SEMA4G: variants seen among roughly 807,000 people sequenced by gnomAD.
SEMA4G encodes semaphorin-4G.
In SEMA4G, 59 loss-of-function variants were observed where a neutral mutation model predicts 81.2. The ratio of observed to expected loss-of-function variants is 0.73; its 90% CI spans 0.59 to 0.90. SEMA4G has a LOEUF of 0.90. Ranked by LOEUF, SEMA4G falls within the 40% of genes least tolerant of loss-of-function variation. The pLI, the probability that SEMA4G is intolerant of heterozygous loss-of-function variation, is 0.00. For synonymous variants in SEMA4G, 404 were observed against 433.9 expected, an observed-to-expected ratio of 0.93 and a Z score of 0.86; for missense variants, 952 against 1,102.3, an observed-to-expected ratio of 0.86 and a Z score of 1.93.
exon 7 of SEMA4G, chr10:100,978,875 G>C (rs528948930): frequency 1.2e-6 from 2 of 1,614,058 alleles, no homozygotes; most frequent in Non-Finnish European, 1.7e-6. Flanking sequence ...CTCCGTCCTC[G>C]TGCGGGAGAG....
At chr10:100,971,038 T>A (rs149480917), upstream of SEMA4G, among the ~76,000 whole-genome samples, 1 of 152,330 alleles carries the variant, frequency 6.6e-6, no homozygotes, top group African/African-American at 2.4e-5. Flanking sequence ...TATGAGCATA[T>A]GTGTGCACAA....
At chr10:100,978,133 G>T in intron 4 of SEMA4G, 162 bp from the exon 6 acceptor site, 1 of 609,574 alleles carries the variant, frequency 1.6e-6, no homozygotes. Context: ...GAGGCCATAA[G>T]GTCATTCTCA....
exon 8 of SEMA4G, chr10:100,979,105 G>C: frequency 6.2e-7 from 1 of 1,614,068 alleles, no homozygotes; most frequent in Non-Finnish European, 8.5e-7. Flanking sequence ...TCCCCAGGGA[G>C]ACCTGGGAGG....
chr10:100,969,847 A>T (rs1245187942), upstream of SEMA4G: 2 of 455,194 alleles, frequency 4.4e-6, no homozygotes, highest in East Asian at 7.0e-5. Context: ...AGTGTTCCCC[A>T]GGATCTGGGT....
Position 100,972,567 on chromosome 10 carries a change from G to A in SEMA4G, c.-346G>A, listed in dbSNP as rs570166640. 1.1e-4 allele frequency: 23 copies of A among 210,344 alleles called. No homozygotes were observed. In the Middle Eastern group the frequency reaches 5.2e-3, roughly 48 times the overall value. The allele number at this position is 210,344 out of a possible 1,614,324, so 13.0% of individuals were successfully genotyped here. A position where few individuals can be genotyped will look rare whatever the true frequency, so the allele number is the denominator to read the frequency against. On this transcript the variant is annotated 5_prime_UTR_variant, in exon 1 of 14. Transcript: ENST00000370250. Reference sequence around the variant, plus strand: ...GAAAACCAGGACTAGCTCTACTGTCGGGGGCAGGGTGACCCCATCAGTAAC... The same window carrying A: ...GAAAACCAGGACTAGCTCTACTGTCAGGGGCAGGGTGACCCCATCAGTAAC...
At chr10:100,972,762 T>G in exon 1 of SEMA4G, 39 of 672,174 alleles carry the variant, frequency 5.8e-5, no homozygotes, top group East Asian at 1.2e-4. Context: ...GGCCCCATGA[T>G]TCCTTGACTC....
At chr10:100,982,311 G>A (rs1003743134) in intron 13 of SEMA4G, among the ~76,000 whole-genome samples, 13 of 152,264 alleles carry the variant, frequency 8.5e-5, no homozygotes, top group African/African-American at 2.4e-4. Flanking sequence ...GTCTTTATCC[G>A]AAAAGCAATA....
exon 9 of SEMA4G, chr10:100,979,878 C>T: frequency 6.2e-7 from 1 of 1,614,010 alleles, no homozygotes; most frequent in Non-Finnish European, 8.5e-7. Flanking sequence ...CCATCTGCCG[C>T]TATGACCTGG....
chr10:100,984,570 C>A (rs962694375), exon 14 of SEMA4G: 26 of 1,536,076 alleles, frequency 1.7e-5, no homozygotes, highest in Middle Eastern at 1.7e-4. Flanking sequence ...TGAAACCAGA[C>A]AAGACCTCTG....
At position 100,980,248 on chromosome 10, in the gene SEMA4G, CT is replaced by C; in HGVS notation, c.1256del (p.Leu419ArgfsTer41). 1 of 1,614,238 alleles carries C rather than the reference CT, an allele frequency of 6.2e-7. No homozygotes were observed. Among genetic ancestry groups the C allele is most frequent in the Non-Finnish European group, 8.5e-7 (1 of 1,180,038 alleles). On this transcript the variant is annotated frameshift_variant, in exon 10 of 14. Coordinates refer to ENST00000370250, the Ensembl canonical transcript of SEMA4G. LOFTEE classifies it high-confidence loss of function. ...CGTTGTGCCCACACGTGGACGGCCC[CT>C]GCTGCTCAAGCGCAACATACGCTAC...
At chr10:100,980,884 C>A in exon 12 of SEMA4G, 1 of 1,610,894 alleles carries the variant, frequency 6.2e-7, no homozygotes, top group South Asian at 1.1e-5. Flanking sequence ...GCTGCTCCCG[C>A]TACCGATCCT....
intron 4 of SEMA4G, 99 bp downstream of exon 5, chr10:100,977,829 C>CG: frequency 1.9e-6 from 2 of 1,062,400 alleles, no homozygotes; most frequent in South Asian, 2.6e-5. Context: ...GTGAAGGAGA[C>CG]GGATGGTTTA....
exon 14 of SEMA4G, chr10:100,983,539 T>G (rs746976668): frequency 2.5e-6 from 4 of 1,614,116 alleles, no homozygotes; most frequent in Non-Finnish European, 3.4e-6. Context: ...CTCCGCACCC[T>G]GCTGGCCTCC....
chr10:100,982,945 G>C (rs540355855), intron 13 of SEMA4G, among the ~76,000 whole-genome samples: 1 of 152,332 alleles, frequency 6.6e-6, no homozygotes, highest in South Asian at 2.1e-4. Flanking sequence ...CTTTGGTTTT[G>C]AGGTGTCCAA....
At position 100,980,691 on chromosome 10, in the gene SEMA4G, C is replaced by T; in HGVS notation, c.1465C>T (p.Gln489Ter). ...GGAAAATCTAGTCATCTCTCTATTG[C>T]AGGTAGCCCTTCTCTGTGACCCTTA... is the stretch of plus-strand genomic sequence containing the variant. Residue 489 changes from glutamine to a stop codon, truncating the protein, a stop_gained and splice_region_variant, in exon 11 of 14, where the codon CAG becomes TAG. Transcript: ENST00000370250. LOFTEE classifies it high-confidence loss of function. 6.2e-7 allele frequency: 1 copy of T among 1,612,046 alleles called. No homozygotes were observed. The highest frequency in any genetic ancestry group is 8.5e-7 in the Non-Finnish European group (1 of 1,178,066).
chr10:100,970,972 T>C (rs1287315555), upstream of SEMA4G, among the ~76,000 whole-genome samples: 4 of 152,202 alleles, frequency 2.6e-5, no homozygotes, highest in Non-Finnish European at 4.4e-5. Flanking sequence ...TGGATGGGCA[T>C]GTAAATTCAA....
chr10:100,977,820 T>G, intron 4 of SEMA4G, 90 bp downstream of exon 5: 1 of 1,137,540 alleles, frequency 8.8e-7, no homozygotes, highest in Non-Finnish European at 1.3e-6. Flanking sequence ...TCAGAGCCAG[T>G]GAAGGAGACG....
chr10:100,972,691 G>A, exon 1 of SEMA4G: 2 of 520,136 alleles, frequency 3.8e-6, no homozygotes, highest in Non-Finnish European at 6.8e-6. Context: ...CCTCTTAGCT[G>A]GGGATTCCAT....
At chr10:100,980,727 G>A in intron 11 of SEMA4G, 34 bp downstream of exon 12, 1 of 1,608,986 alleles carries the variant, frequency 6.2e-7, no homozygotes, top group South Asian at 1.1e-5. Context: ...ATATAGCCTT[G>A]CTGAAATAGG....
Sources: gnomAD v4.1 joint callset for allele counts (sites outside exome capture counted in the v4.1 genomes callset) on GRCh38, gnomAD v4.1.1 for gene constraint, MANE v1.5 for transcripts, NCBI Gene and HGNC (gene_info 2026-07-23, HGNC 2026-07-21) for gene names.